DLG2: variants seen among roughly 807,000 people sequenced by gnomAD.
DLG2 encodes discs large MAGUK scaffold protein 2.
A neutral mutation model predicts 132.5 loss-of-function variants in DLG2; 45 were observed. That is an observed-to-expected ratio of 0.34 (90% confidence interval 0.27 to 0.44). The LOEUF (loss-of-function observed/expected upper bound fraction) is 0.44. Ranked by LOEUF, DLG2 falls within the 20% of genes least tolerant of loss-of-function variation. The probability of loss-of-function intolerance (pLI) is 1.00; values close to 1 mark genes in which losing one functional copy is unlikely to be tolerated. For missense variants in DLG2, 1,045 were observed against 1,196.9 expected (o/e 0.87, Z 1.87); for synonymous variants, 424 against 419.6 (o/e 1.01, Z -0.13).
chr11:84,070,696 G>A (rs1776519638), intron 10 of DLG2, among the ~76,000 whole-genome samples: 1 of 152,200 alleles, frequency 6.6e-6, no homozygotes, highest in African/African-American at 2.4e-5. Context: ...ATGGTGGGAA[G>A]AACACTGGGT....
chr11:83,802,018 G>A (rs1259417896), intron 17 of DLG2, among the ~76,000 whole-genome samples: 2 of 152,000 alleles, frequency 1.3e-5, no homozygotes, highest in Non-Finnish European at 2.9e-5. Flanking sequence ...GAGAATGGTT[G>A]ATGAAACTGA....
At chr11:84,506,396 TAA>T (rs34845353) in intron 7 of DLG2, among the ~76,000 whole-genome samples, 21,834 of 152,040 alleles carry the variant, frequency 0.14, 1,641 homozygotes, top group South Asian at 0.26. Flanking sequence ...AAAGAGTCAG[TAA>T]AAGATATGTG....
intron 6 of DLG2, among the ~76,000 whole-genome samples, chr11:84,888,689 T>C (rs2088782207): frequency 6.6e-6 from 1 of 152,110 alleles, no homozygotes; most frequent in African/African-American, 2.4e-5. Context: ...AAAAATCTTT[T>C]CTTATTAGCT....
chr11:85,047,629 A>G (rs572684281), intron 6 of DLG2, among the ~76,000 whole-genome samples: 5 of 152,082 alleles, frequency 3.3e-5, no homozygotes, highest in African/African-American at 1.2e-4. Flanking sequence ...AAAGTCACTC[A>G]TACCTCTGGG....
intron 11 of DLG2, among the ~76,000 whole-genome samples, chr11:84,031,264 A>G (rs2095682929): frequency 6.6e-6 from 1 of 152,064 alleles, no homozygotes; most frequent in African/African-American, 2.4e-5. Flanking sequence ...TATAGGAAGC[A>G]AATAGGTTGA....
chr11:84,624,240 T>C (rs2099618502), intron 6 of DLG2, among the ~76,000 whole-genome samples: 2 of 152,220 alleles, frequency 1.3e-5, no homozygotes, highest in South Asian at 4.1e-4. Flanking sequence ...TTTTCTTTTA[T>C]ACCATGCCTA....
At chr11:83,920,479 T>A (rs893063119) in intron 15 of DLG2, among the ~76,000 whole-genome samples, 2 of 152,082 alleles carry the variant, frequency 1.3e-5, no homozygotes, top group African/African-American at 2.4e-5. Flanking sequence ...CTACCATTCA[T>A]CTCCCTTCAC....
At chr11:84,829,772 A>T (rs2078788554) in intron 6 of DLG2, among the ~76,000 whole-genome samples, 1 of 151,650 alleles carries the variant, frequency 6.6e-6, no homozygotes, top group South Asian at 2.1e-4. Flanking sequence ...AAATCAAAAG[A>T]TACTTGAGAC....
rs117756670 is a variant in DLG2 at position 84,745,002 on chromosome 11, G to A, written c.358-210271C>T. 6.2e-3 allele frequency among the ~76,000 whole-genome samples: 914 copies of A among 146,984 alleles called. 4 individuals are homozygous for A. Among genetic ancestry groups the A allele is most frequent in the Non-Finnish European group, 0.01 (689 of 67,104 alleles). The stretch of plus-strand genomic sequence containing the variant: ...ATATCCAAAAGATTTCTCGCACCAA[G>A]CACTGAAAACTAGGAATAAAGGTGA... On this transcript the variant is annotated intron_variant, in intron 6 of 27. Coordinates refer to ENST00000376104, the MANE Select transcript of DLG2 (RefSeq NM_001142699.3).
chr11:84,192,082 A>T (rs1198794513), intron 8 of DLG2, among the ~76,000 whole-genome samples: 1 of 152,110 alleles, frequency 6.6e-6, no homozygotes, highest in Non-Finnish European at 1.5e-5. Context: ...TTCCATTAAG[A>T]TACTACTGCT....
chr11:85,390,120 C>T (rs1218823548), intron 3 of DLG2, among the ~76,000 whole-genome samples: 1 of 152,038 alleles, frequency 6.6e-6, no homozygotes, highest in Non-Finnish European at 1.5e-5. Flanking sequence ...TCACCTGACA[C>T]ATAACCACTC....
At chr11:83,676,327 A>G (rs2077682033) in intron 18 of DLG2, among the ~76,000 whole-genome samples, 1 of 152,204 alleles carries the variant, frequency 6.6e-6, no homozygotes, top group Non-Finnish European at 1.5e-5. Context: ...TGGCAGGACC[A>G]AAAGGGATTT....
At chr11:84,207,077 C>CTA (rs1401388219) in intron 8 of DLG2, among the ~76,000 whole-genome samples, 6 of 106,190 alleles carry the variant, frequency 5.7e-5, no homozygotes, top group African/African-American at 1.2e-4. Flanking sequence ...CTCTCTCTCT[C>CTA]TCTCTATATA....
At chr11:83,789,086 A>C (rs1304482711) in intron 17 of DLG2, among the ~76,000 whole-genome samples, 5 of 152,224 alleles carry the variant, frequency 3.3e-5, no homozygotes, top group Non-Finnish European at 1.5e-5. Context: ...TCTCACAACC[A>C]ATAAAATTAG....
intron 6 of DLG2, among the ~76,000 whole-genome samples, chr11:85,004,395 T>A (rs1427581760): frequency 6.6e-6 from 1 of 152,192 alleles, no homozygotes; most frequent in Admixed American, 6.5e-5. Flanking sequence ...TTTCCTGACT[T>A]TTTAATGATC....
At chr11:83,787,061 T>C (rs2040133186) in intron 17 of DLG2, among the ~76,000 whole-genome samples, 1 of 152,194 alleles carries the variant, frequency 6.6e-6, no homozygotes, top group Non-Finnish European at 1.5e-5. Context: ...GCATTTAATA[T>C]GCCTCTGTGA....
chr11:84,550,493 T>G (rs1039929539), intron 6 of DLG2, among the ~76,000 whole-genome samples: 4 of 152,198 alleles, frequency 2.6e-5, no homozygotes, highest in Non-Finnish European at 5.9e-5. Flanking sequence ...CACTGCTCAT[T>G]CAAGCTACTC....
At chr11:83,707,752 C>T (rs548158891) in intron 18 of DLG2, among the ~76,000 whole-genome samples, 1 of 152,274 alleles carries the variant, frequency 6.6e-6, no homozygotes, top group South Asian at 2.1e-4. Context: ...AGTGTCTGTT[C>T]CCTCTCAGTG....
At chr11:83,987,043 G>A (rs1333177876) in intron 11 of DLG2, among the ~76,000 whole-genome samples, 11 of 152,180 alleles carry the variant, frequency 7.2e-5, no homozygotes, top group Non-Finnish European at 1.5e-4. Flanking sequence ...TTCTTTTGCT[G>A]TGCAGAAGCT....
Sources: allele counts gnomAD v4.1 joint callset (sites outside exome capture counted in the v4.1 genomes callset), GRCh38; gene constraint gnomAD v4.1.1; transcripts MANE v1.5; gene names NCBI Gene and HGNC (gene_info 2026-07-23, HGNC 2026-07-21).